The following CNTN3 variants were observed in gnomAD, a reference collection of about 807,000 sequenced individuals.
CNTN3 encodes contactin-3.
In CNTN3, 60 loss-of-function variants were observed where a neutral mutation model predicts 119.1. That is an observed-to-expected ratio of 0.50 (90% CI 0.41 to 0.62). CNTN3 has a LOEUF of 0.62. Among genes scored for constraint, CNTN3 ranks in the 20% least tolerant of loss-of-function variants. CNTN3 has a pLI of 0.00. For synonymous variants in CNTN3, 450 were observed against 438.7 expected (o/e 1.03, Z -0.32); for missense variants, 1,101 against 1,242.4 (o/e 0.89, Z 1.71).
chr3:74,291,021 G>T (rs931690864), intron 19 of CNTN3, among the ~76,000 whole-genome samples: 2 of 151,800 alleles, frequency 1.3e-5, no homozygotes, highest in Non-Finnish European at 2.9e-5. Flanking sequence ...TTTACATTAG[G>T]TATATCTCCA....
chr3:74,370,450 A>G (rs1296146298), intron 6 of CNTN3, among the ~76,000 whole-genome samples: 1 of 152,082 alleles, frequency 6.6e-6, no homozygotes, highest in African/African-American at 2.4e-5. Context: ...GCTTCCTGAA[A>G]TTTCCCTAAA....
At chr3:74,278,072 C>A (rs571735530) in intron 20 of CNTN3, among the ~76,000 whole-genome samples, 1 of 151,312 alleles carries the variant, frequency 6.6e-6, no homozygotes, top group African/African-American at 2.4e-5. Context: ...GATGAAAGAC[C>A]TCTACAAGGA....
At chr3:74,449,927 T>C (rs1029381013) in intron 4 of CNTN3, among the ~76,000 whole-genome samples, 2 of 152,180 alleles carry the variant, frequency 1.3e-5, no homozygotes, top group African/African-American at 4.8e-5. Context: ...TAATGATATA[T>C]TTCTCAAAAA....
chr3:74,267,994 A>C (rs1391686425), intron 20 of CNTN3, among the ~76,000 whole-genome samples: 4 of 152,184 alleles, frequency 2.6e-5, no homozygotes, highest in Admixed American at 2.0e-4. Flanking sequence ...CCCATGGAGT[A>C]ATAGCTATAC....
At chr3:74,480,664 T>A (rs978119064) in intron 4 of CNTN3, among the ~76,000 whole-genome samples, 1 of 151,366 alleles carries the variant, frequency 6.6e-6, no homozygotes, top group South Asian at 2.1e-4. Flanking sequence ...AAAATATAGA[T>A]GTTTGTACAT....
At chr3:74,460,772 CATAT>C (rs71129755) in intron 4 of CNTN3, among the ~76,000 whole-genome samples, 1,507 of 87,942 alleles carry the variant, frequency 0.017, 13 homozygotes, top group Non-Finnish European at 0.022. Flanking sequence ...TTCTTATTTT[CATAT>C]ATATATATAT....
intron 2 of CNTN3, among the ~76,000 whole-genome samples, chr3:74,513,406 A>C (rs982590372): frequency 5.3e-5 from 8 of 152,128 alleles, no homozygotes; most frequent in African/African-American, 1.9e-4. Flanking sequence ...AATAATGTAC[A>C]CATGGTTAGA....
intron 4 of CNTN3, among the ~76,000 whole-genome samples, chr3:74,456,575 C>T (rs1271367914): frequency 6.6e-6 from 1 of 152,052 alleles, no homozygotes; most frequent in African/African-American, 2.4e-5. Flanking sequence ...ATCATCTGTT[C>T]ATTTACCATT....
chr3:74,310,493 G>T (rs1377978335), intron 13 of CNTN3, among the ~76,000 whole-genome samples: 1 of 152,150 alleles, frequency 6.6e-6, no homozygotes, highest in African/African-American at 2.4e-5. Flanking sequence ...CAGCAAGTTG[G>T]TATTGGCTGT....
chr3:74,561,749 T>G (rs1192218522), intron 1 of CNTN3, among the ~76,000 whole-genome samples: 2 of 152,230 alleles, frequency 1.3e-5, no homozygotes, highest in Non-Finnish European at 2.9e-5. Flanking sequence ...TACAAGAGAC[T>G]GAGCCTGTGT....
chr3:74,599,701 G>A (rs1366581374), intron 1 of CNTN3, among the ~76,000 whole-genome samples: 1 of 152,058 alleles, frequency 6.6e-6, no homozygotes. Context: ...AGCCTCTGTG[G>A]GAAATGACTA....
intron 11 of CNTN3, among the ~76,000 whole-genome samples, chr3:74,343,472 T>C (rs1703599848): frequency 6.6e-6 from 1 of 152,224 alleles, no homozygotes; most frequent in South Asian, 2.1e-4. Flanking sequence ...AGCCCTGGAA[T>C]GGAAGTCATT....
At chr3:74,372,591 A>T (rs766347297) in intron 5 of CNTN3, among the ~76,000 whole-genome samples, 153 of 141,908 alleles carry the variant, frequency 1.1e-3, no homozygotes, top group Non-Finnish European at 2.0e-3. Flanking sequence ...AATAGAGTTT[A>T]AAAAAAAAAA....
intron 13 of CNTN3, among the ~76,000 whole-genome samples, chr3:74,316,455 C>T (rs1225141123): frequency 6.6e-6 from 1 of 152,138 alleles, no homozygotes; most frequent in African/African-American, 2.4e-5. Flanking sequence ...AAAAGCTGAA[C>T]TCCATTTAAC....
At chr3:74,431,098 A>G (rs1212187315) in intron 4 of CNTN3, among the ~76,000 whole-genome samples, 3 of 152,182 alleles carry the variant, frequency 2.0e-5, no homozygotes. Flanking sequence ...TCTGGTGTAT[A>G]AAAGTCTTCA....
chr3:74,614,343 C>G (rs1705133141), intron 1 of CNTN3, among the ~76,000 whole-genome samples, 48 bp downstream of exon 1: 1 of 152,122 alleles, frequency 6.6e-6, no homozygotes, highest in East Asian at 1.9e-4. Flanking sequence ...GCAGGTGGCT[C>G]ATCCCTGTGG....
intron 4 of CNTN3, among the ~76,000 whole-genome samples, chr3:74,474,748 A>G (rs886644929): frequency 1.3e-5 from 2 of 152,042 alleles, no homozygotes; most frequent in African/African-American, 4.8e-5. Flanking sequence ...CAAGTGTTGG[A>G]GGTGGGGCCT....
chr3:74,271,775 T>A (rs1701782378), intron 20 of CNTN3, among the ~76,000 whole-genome samples: 1 of 152,152 alleles, frequency 6.6e-6, no homozygotes, highest in African/African-American at 2.4e-5. Flanking sequence ...TGTGCAACGA[T>A]CATGTAATCA....
At chr3:74,556,148 A>T (rs1437471016) in intron 1 of CNTN3, among the ~76,000 whole-genome samples, 1 of 152,184 alleles carries the variant, frequency 6.6e-6, no homozygotes, top group Non-Finnish European at 1.5e-5. Context: ...TGGTTTATCA[A>T]GGTATACTTC....
Sources: allele counts gnomAD v4.1 joint callset (sites outside exome capture counted in the v4.1 genomes callset), GRCh38; gene constraint gnomAD v4.1.1; transcripts MANE v1.5; gene names NCBI Gene and HGNC (gene_info 2026-07-23, HGNC 2026-07-21).